DNAJC1: variants seen among roughly 807,000 people sequenced by gnomAD.
DNAJC1 encodes DnaJ heat shock protein family (Hsp40) member C1.
In DNAJC1, 58 loss-of-function variants were observed where a neutral mutation model predicts 76.6. That is an observed-to-expected ratio of 0.76 (90% CI 0.61 to 0.94). The LOEUF (loss-of-function observed/expected upper bound fraction) is 0.94, where lower values mean the gene tolerates loss of function less well. Ranked by LOEUF, DNAJC1 falls within the 40% of genes least tolerant of loss-of-function variation. The pLI, the probability that DNAJC1 is intolerant of heterozygous loss-of-function variation, is 0.00. For missense variants in DNAJC1, 689 were observed against 677.3 expected, an observed-to-expected ratio of 1.02 and a Z score of -0.19; for synonymous variants, 258 against 267.9, an observed-to-expected ratio of 0.96 and a Z score of 0.36.
In DNAJC1 at chr10:21,759,423, G is replaced by T; in HGVS notation, c.1343C>A (p.Ala448Asp). 1 of 1,614,092 alleles carries T rather than the reference G, an allele frequency of 6.2e-7. No individual in the cohort carries two copies. The highest frequency in any genetic ancestry group is 8.5e-7 in the Non-Finnish European group (1 of 1,180,034). ...CTTCGCTGTAGCCTCCAGCAGCCTG[G>T]CTGGCTTCCGCCTCCGAGGCCGGGC... The part of the protein sequence containing the change: ...TDARPRRRKP[A>D]RLLEATAKPE... The change falls in exon 11 of 12, where the codon GCC becomes GAC. Residue 448 changes from alanine (A) to aspartate (D), a missense_variant. Transcript: ENST00000376980.
In DNAJC1 at chr10:21,967,234, C is replaced by G. The variant is rs976814187; in HGVS notation, c.222+35979G>C. 2.5e-4 allele frequency among the ~76,000 whole-genome samples: 38 copies of G among 152,114 alleles called. 1 individual carries two copies. The highest frequency in any genetic ancestry group is 5.9e-5 in the Non-Finnish European group (4 of 68,012). On this transcript the variant is annotated intron_variant, in intron 1 of 11. Coordinates refer to ENST00000376980, the MANE Select transcript of DNAJC1 (RefSeq NM_022365.4). ...GTTCCAATACCCAACTGCAGGCAAACATTGATTTACTTTCTGTGTCTTTAG... is the reference window on the plus strand; with the variant it reads ...GTTCCAATACCCAACTGCAGGCAAAGATTGATTTACTTTCTGTGTCTTTAG...
intron 1 of DNAJC1, among the ~76,000 whole-genome samples, chr10:21,942,817 A>AG (rs1388453191): frequency 6.6e-6 from 1 of 151,180 alleles, no homozygotes; most frequent in South Asian, 2.1e-4. Flanking sequence ...AAAAAAAAAA[A>AG]AAAAAAAGAA....
intron 8 of DNAJC1, chr10:21,865,696 T>C (rs1564811791): frequency 6.6e-6 from 1 of 152,118 alleles, no homozygotes; most frequent in Non-Finnish European, 1.5e-5. Flanking sequence ...TGGTACACTT[T>C]AAATATGTCT....
rs201496867 is a variant in DNAJC1 at position 21,882,295 on chromosome 10, G to C, written c.965C>G (p.Thr322Arg). The C allele has an allele frequency of 6.3e-7, 1 of 1,593,092 alleles. No homozygotes were observed. Among genetic ancestry groups the C allele is most frequent in the African/African-American group, 1.4e-5 (1 of 73,350 alleles). The change falls in exon 8 of 12, where the codon ACA becomes AGA. Residue 322 changes from threonine to arginine, a missense_variant. Transcript: ENST00000376980. ...AAGCTTATTTACCTGTTTTTTCTGT[G>C]TTCGGTTCCTGTTTTCCAACCAATC... ...MDDWLENRNR[T>R]QKKQAPEWTE...
At chr10:21,805,222 AT>A in intron 9 of DNAJC1, among the ~76,000 whole-genome samples, 1 of 152,204 alleles carries the variant, frequency 6.6e-6, no homozygotes, top group South Asian at 2.1e-4. Flanking sequence ...AGTAAAGCAT[AT>A]TTACTATCCC....
At chr10:21,778,914 A>C (rs910225177) in intron 9 of DNAJC1, among the ~76,000 whole-genome samples, 7 of 152,252 alleles carry the variant, frequency 4.6e-5, no homozygotes, top group African/African-American at 1.4e-4. Context: ...GCGCTTTTCC[A>C]ACCGTCTTAG....
chr10:21,936,922 C>A (rs1000442259), intron 1 of DNAJC1, among the ~76,000 whole-genome samples: 2 of 152,198 alleles, frequency 1.3e-5, no homozygotes, highest in African/African-American at 2.4e-5. Flanking sequence ...AAAAGTAAGT[C>A]ATTCCTTATC....
intron 9 of DNAJC1, among the ~76,000 whole-genome samples, chr10:21,783,399 A>G (rs1182236459): frequency 6.6e-6 from 1 of 152,250 alleles, no homozygotes; most frequent in Admixed American, 6.5e-5. Flanking sequence ...GCAAAATAAA[A>G]GAGGACACAA....
chr10:21,910,969 A>G (rs1053661878), intron 6 of DNAJC1, among the ~76,000 whole-genome samples: 2 of 144,852 alleles, frequency 1.4e-5, no homozygotes, highest in African/African-American at 5.4e-5. Context: ...AGAAAGAAAG[A>G]GGGGGGGAAG....
chr10:21,820,727 A>C (rs1295896862), intron 8 of DNAJC1, among the ~76,000 whole-genome samples: 1 of 152,212 alleles, frequency 6.6e-6, no homozygotes, highest in African/African-American at 2.4e-5. Context: ...ACTGGTTTCA[A>C]GTTGGGGTTC....
chr10:21,950,143 T>C (rs1837568013), intron 1 of DNAJC1, among the ~76,000 whole-genome samples: 1 of 152,104 alleles, frequency 6.6e-6, no homozygotes, highest in Admixed American at 6.5e-5. Context: ...TTGCGGCTAT[T>C]GTATCTTTTT....
chr10:21,766,380 T>C (rs1834300279), intron 9 of DNAJC1, 71 bp from the exon 10 acceptor site: 2 of 1,145,174 alleles, frequency 1.7e-6, no homozygotes, highest in East Asian at 2.3e-5. Flanking sequence ...AACGATTCCA[T>C]GTAAGCTCCA....
At position 21,772,495 on chromosome 10, in the gene DNAJC1, A is replaced by G. The variant is rs1371652652; in HGVS notation, c.1099-6186T>C. 2.0e-5 allele frequency among the ~76,000 whole-genome samples: 3 copies of G among 152,058 alleles called. No individual in the cohort carries two copies. In the East Asian group the frequency reaches 5.8e-4, roughly 29 times the overall value. ...AATTTATTCATTTCACTTCTATTAG[A>G]AAAATAGCCATCTAATTTCTTGACA... On this transcript the variant is annotated intron_variant, in intron 9 of 11. Transcript: ENST00000376980.
intron 8 of DNAJC1, among the ~76,000 whole-genome samples, chr10:21,862,805 A>G (rs1835937974): frequency 6.6e-6 from 1 of 152,034 alleles, no homozygotes; most frequent in Non-Finnish European, 1.5e-5. Flanking sequence ...GAAGTTCTCA[A>G]ATCAACCTAA....
chr10:21,816,920 C>T (rs1459545045), intron 8 of DNAJC1, among the ~76,000 whole-genome samples: 15 of 143,220 alleles, frequency 1.0e-4, no homozygotes, highest in African/African-American at 3.1e-4. Flanking sequence ...TTTGGGAGGC[C>T]GAGGTGGGTG....
chr10:21,880,286 C>T (rs906003053), intron 8 of DNAJC1, among the ~76,000 whole-genome samples: 1 of 152,180 alleles, frequency 6.6e-6, no homozygotes, highest in Non-Finnish European at 1.5e-5. Flanking sequence ...GAATAAACTT[C>T]TTCTAATCTC....
chr10:21,770,721 G>C (rs994421477), intron 9 of DNAJC1, among the ~76,000 whole-genome samples: 2 of 152,156 alleles, frequency 1.3e-5, no homozygotes, highest in Admixed American at 6.5e-5. Context: ...TTCTTGATGT[G>C]CTCTGGGTAC....
rs748114891 is a variant in DNAJC1, at chr10:21,919,889, T to C, written c.578A>G (p.Lys193Arg). 33 of 1,603,156 alleles carry C rather than the reference T, an allele frequency of 2.1e-5. No individual in the cohort carries two copies. The highest frequency in any genetic ancestry group is 2.6e-5 in the Non-Finnish European group (31 of 1,175,684). The change falls in exon 5 of 12, where the codon AAG (lysine) becomes AGG (arginine). Residue 193 changes from lysine to arginine, a missense_variant. By Grantham distance (26) the Lys-to-Arg change is conservative (BLOSUM62 2). Transcript: ENST00000376980. ...TACATCCACACTCTTGCTGCCAGTC[T>C]TTTTTTTCTTTTCTCTCTTTTTTCT... ...LSRKKREKKK[K>R]TGSKSVDVSK...
intron 7 of DNAJC1, among the ~76,000 whole-genome samples, chr10:21,883,871 A>G (rs1414907219): frequency 1.3e-5 from 2 of 152,214 alleles, no homozygotes; most frequent in East Asian, 1.9e-4. Flanking sequence ...TCAAATCATT[A>G]TAAGTCTAGG....
Sources: gnomAD v4.1 joint callset for allele counts (sites outside exome capture counted in the v4.1 genomes callset) on GRCh38, gnomAD v4.1.1 for gene constraint, MANE v1.5 for transcripts, NCBI Gene and HGNC (gene_info 2026-07-23, HGNC 2026-07-21) for gene names.